Variants in PGM5 observed in about 807,000 individuals in gnomAD.
The protein encoded by PGM5 is phosphoglucomutase 5, also known as phosphoglucomutase-like protein 5.
In PGM5, 23 loss-of-function variants were observed where a neutral mutation model predicts 59.2. The ratio of observed to expected loss-of-function variants is 0.39; its 90% CI spans 0.28 to 0.55. The LOEUF (loss-of-function observed/expected upper bound fraction) is 0.55. Among genes scored for constraint, PGM5 ranks in the 20% least tolerant of loss-of-function variants. The pLI, the probability that PGM5 is intolerant of heterozygous loss-of-function variation, is 0.66. For missense variants in PGM5, 574 were observed against 748.3 expected (o/e 0.77, Z 2.72); for synonymous variants, 214 against 286.0 (o/e 0.75, Z 2.54).
intron 7 of PGM5, among the ~76,000 whole-genome samples, chr9:68,474,027 CG>C (rs113975770): frequency 1.4e-4 from 21 of 152,226 alleles, no homozygotes; most frequent in African/African-American, 4.8e-4. Context: ...AGACTGCATA[CG>C]GTGCCTTTCT....
intron 1 of PGM5, among the ~76,000 whole-genome samples, chr9:68,376,831 T>TTC (rs1244006691): frequency 2.2e-5 from 2 of 90,818 alleles, no homozygotes; most frequent in Admixed American, 2.5e-4. Flanking sequence ...CTTTCTTTCT[T>TTC]TCTCTTTCTT....
At chr9:68,454,744 G>A (rs1443537205) in intron 6 of PGM5, among the ~76,000 whole-genome samples, 4 of 152,194 alleles carry the variant, frequency 2.6e-5, no homozygotes, top group African/African-American at 4.8e-5. Context: ...ACTCTCCTCC[G>A]TGCTAAGACA....
chr9:68,503,956 A>T (rs1554688843), intron 10 of PGM5, among the ~76,000 whole-genome samples: 1 of 152,210 alleles, frequency 6.6e-6, no homozygotes, highest in African/African-American at 2.4e-5. Flanking sequence ...ATTCTGACTC[A>T]GGTATGAGGA....
At chr9:68,376,800 TCTTTC>T (rs2131990295) in intron 1 of PGM5, among the ~76,000 whole-genome samples, 1 of 109,452 alleles carries the variant, frequency 9.1e-6, no homozygotes, top group South Asian at 2.9e-4. Context: ...TTTCTTTCTT[TCTTTC>T]TTTCTTTCTT....
At chr9:68,422,548 T>C (rs1823150804) in intron 6 of PGM5, among the ~76,000 whole-genome samples, 1 of 152,042 alleles carries the variant, frequency 6.6e-6, no homozygotes, top group South Asian at 2.1e-4. Context: ...TGCCTCAGCC[T>C]CCCAAAATTC....
intron 6 of PGM5, among the ~76,000 whole-genome samples, chr9:68,429,825 G>A (rs1326394586): frequency 3.3e-5 from 5 of 152,142 alleles, no homozygotes; most frequent in African/African-American, 9.7e-5. Context: ...CCACTGATGC[G>A]ATTTACAACA....
chr9:68,394,831 A>G (rs1327383609), intron 6 of PGM5, among the ~76,000 whole-genome samples: 1 of 152,104 alleles, frequency 6.6e-6, no homozygotes, highest in Non-Finnish European at 1.5e-5. Context: ...TATGTTGCCT[A>G]GGCTGGTATC....
intron 6 of PGM5, chr9:68,429,314 A>G (rs184307301): frequency 2.6e-5 from 4 of 152,314 alleles, no homozygotes; most frequent in Admixed American, 6.5e-5. Flanking sequence ...TACCGTGGGA[A>G]GCTCACTTTT....
Position 68,483,913 on chromosome 9 carries a change from G to A in PGM5, c.1344G>A (p.Arg448=). 1 of 1,614,118 alleles carries A rather than the reference G, an allele frequency of 6.2e-7. No individual in the cohort carries two copies. The highest frequency in any genetic ancestry group is 8.5e-7 in the Non-Finnish European group (1 of 1,180,016). Residue 448 remains arginine (R), a synonymous_variant, in exon 9 of 11, where the codon AGG becomes AGA. Coordinates refer to ENST00000396396, the MANE Select transcript of PGM5 (RefSeq NM_021965.4). The part of the protein sequence containing the change: ...LDPKTTYYIM[R]DLEALVTDKS... ...CCAAGACGACATATTATATCATGAG[G>A]GACCTGGAGGCCCTGGTCACAGACA...
At chr9:68,477,280 T>C (rs1824123228) in intron 7 of PGM5, among the ~76,000 whole-genome samples, 1 of 152,236 alleles carries the variant, frequency 6.6e-6, no homozygotes, top group Non-Finnish European at 1.5e-5. Context: ...CTTTTTCTTA[T>C]TGATTTTAGT....
intron 9 of PGM5, among the ~76,000 whole-genome samples, chr9:68,491,456 C>A (rs1405721410): frequency 6.6e-6 from 1 of 152,160 alleles, no homozygotes; most frequent in African/African-American, 2.4e-5. Flanking sequence ...TTCCTATAGG[C>A]ATTCTCAATG....
intron 6 of PGM5, chr9:68,395,568 C>T (rs1298163095): frequency 1.3e-5 from 2 of 152,078 alleles, no homozygotes; most frequent in East Asian, 3.9e-4. Context: ...TCTTCCATTC[C>T]ATGAATGTGG....
intron 9 of PGM5, among the ~76,000 whole-genome samples, chr9:68,496,405 A>G (rs1175256145): frequency 1.3e-5 from 2 of 152,236 alleles, no homozygotes; most frequent in Admixed American, 1.3e-4. Flanking sequence ...GCTCTAAAGA[A>G]ACCCTTACAT....
chr9:68,410,631 A>G (rs1238406992), intron 6 of PGM5, among the ~76,000 whole-genome samples: 6 of 152,110 alleles, frequency 3.9e-5, no homozygotes, highest in African/African-American at 9.7e-5. Flanking sequence ...GGATATGACA[A>G]TTTACAACCC....
intron 7 of PGM5, among the ~76,000 whole-genome samples, chr9:68,467,580 T>G (rs1011434671): frequency 2.0e-5 from 3 of 152,168 alleles, no homozygotes; most frequent in Admixed American, 2.0e-4. Flanking sequence ...ATCCTCATTT[T>G]CCCCCTCCCC....
intron 6 of PGM5, among the ~76,000 whole-genome samples, chr9:68,432,967 T>A (rs887711556): frequency 6.6e-6 from 1 of 152,194 alleles, no homozygotes; most frequent in Non-Finnish European, 1.5e-5. Flanking sequence ...TGGAATCTTG[T>A]ACACAATAAT....
chr9:68,403,491 G>A (rs1554680855), intron 6 of PGM5, among the ~76,000 whole-genome samples: 1 of 152,102 alleles, frequency 6.6e-6, no homozygotes, highest in Non-Finnish European at 1.5e-5. Context: ...ACCGGTCCCT[G>A]GTGCCAAAAA....
In PGM5 at chr9:68,479,504, G is replaced by A; in HGVS notation, c.1246G>A (p.Glu416Lys). Residue 416 changes from glutamate (E) to lysine (K), a missense_variant, in exon 8 of 11, where the codon GAA becomes AAA. By Grantham distance (56) the Glu-to-Lys change is moderately conservative. This residue lies in a region of PGM5 where 300 missense variants were observed against 280.0 expected (regional missense o/e 1.07). Transcript: ENST00000396396. ...IIAARKQSVE[E>K]IVRDHWAKFG... The stretch of plus-strand genomic sequence containing the variant: ...TGCTGCCCGGAAGCAGAGTGTGGAG[G>A]AAATTGTCCGAGATCACTGGGCCAA... The A allele has an allele frequency of 6.2e-7, 1 of 1,614,094 alleles. No homozygotes were observed. Among genetic ancestry groups the A allele is most frequent in the East Asian group, 2.2e-5 (1 of 44,868 alleles).
intron 6 of PGM5, among the ~76,000 whole-genome samples, chr9:68,408,073 A>G (rs1822855008): frequency 6.6e-6 from 1 of 152,344 alleles, no homozygotes; most frequent in Non-Finnish European, 1.5e-5. Context: ...TACTCTAGGG[A>G]GAGACTTGGG....
Sources: gnomAD v4.1 joint callset for allele counts (sites outside exome capture counted in the v4.1 genomes callset) on GRCh38, gnomAD v4.1.1 for gene constraint, gnomAD v4.1.1 regional missense constraint, MANE v1.5 for transcripts, NCBI Gene and HGNC (gene_info 2026-07-23, HGNC 2026-07-21) for gene names.